Variants in GTF2IRD2B observed in about 807,000 individuals in gnomAD.
The protein encoded by GTF2IRD2B is general transcription factor II-I repeat domain-containing protein 2B.
In GTF2IRD2B, 10 loss-of-function variants were observed where a neutral mutation model predicts 55.6. The ratio of observed to expected loss-of-function variants is 0.18; its 90% CI spans 0.11 to 0.31. The LOEUF (loss-of-function observed/expected upper bound fraction) is 0.31. Ranked by LOEUF, GTF2IRD2B falls within the 10% of genes least tolerant of loss-of-function variation. GTF2IRD2B has a pLI of 1.00. For missense variants in GTF2IRD2B, 206 were observed against 802.7 expected (o/e 0.26, Z 8.98); for synonymous variants, 107 against 320.5 (o/e 0.33, Z 7.12).
In GTF2IRD2B at chr7:75,110,633, AAAAT is replaced by A. The variant is rs1248249475; in HGVS notation, c.99+1573_99+1576del. Among the ~76,000 whole-genome samples, 371 of 52,926 alleles carry A rather than the reference AAAAT, an allele frequency of 7.0e-3. 5 individuals are homozygous for A. The highest frequency in any genetic ancestry group is 0.058 in the Middle Eastern group (6 of 104). 34.7% of individuals were successfully genotyped at this position (52,926 alleles called of 152,430 possible). A position where few individuals can be genotyped will look rare whatever the true frequency, so the allele number is the denominator to read the frequency against. On this transcript the variant is annotated intron_variant, in intron 2 of 15. Coordinates refer to ENST00000472837, the MANE Select transcript of GTF2IRD2B (RefSeq NM_001003795.3). ...GACCCTGACTCTTAAAAAAAAAAAA[AAAAT>A]AAGTTGGAATTAATTTTAGAAGAAA... is the stretch of plus-strand genomic sequence containing the variant.
rs2115857498 is a variant in GTF2IRD2B, at chr7:75,143,919, G to GTCACAT, written c.1218-29_1218-24dup. 9.2e-6 allele frequency: 3 copies of GTCACAT among 325,676 alleles called. No individual in the cohort carries two copies. In the East Asian group the frequency reaches 1.2e-4, roughly 13 times the overall value. The allele number at this position is 325,676 out of a possible 1,614,324, so 20.2% of individuals were successfully genotyped here. On this transcript the variant is annotated intron_variant, in intron 14 of 15. Transcript: ENST00000472837. ...TGGGCAAAAGAGGAAATGTGAGCTT[G>GTCACAT]TCACATTTATCAATGTGTCTTTCTC...
intron 15 of GTF2IRD2B, among the ~76,000 whole-genome samples, chr7:75,146,017 A>AT (rs587651504): frequency 0.068 from 3,806 of 55,954 alleles, 93 homozygotes; most frequent in African/African-American, 0.14. Flanking sequence ...TGCCCAGATA[A>AT]TTTTTTTTTT....
chr7:75,132,888 A>G (rs1216027049), intron 8 of GTF2IRD2B, among the ~76,000 whole-genome samples: 3 of 146,874 alleles, frequency 2.0e-5, no homozygotes, highest in African/African-American at 8.1e-5. Context: ...TTGATTTTAC[A>G]ATTGATATTA....
intron 1 of GTF2IRD2B, among the ~76,000 whole-genome samples, chr7:75,103,697 C>T (rs1432703161): frequency 2.6e-5 from 4 of 151,210 alleles, no homozygotes; most frequent in African/African-American, 9.6e-5. Flanking sequence ...AGGGTGCCTT[C>T]CATCCTGCAA....
chr7:75,105,536 C>T (rs1279656576), intron 1 of GTF2IRD2B, among the ~76,000 whole-genome samples: 4 of 152,296 alleles, frequency 2.6e-5, no homozygotes, highest in Non-Finnish European at 5.9e-5. Context: ...CAAATCTTTC[C>T]CTATCCCTCC....
intron 1 of GTF2IRD2B, among the ~76,000 whole-genome samples, chr7:75,093,621 A>G (rs1457396180): frequency 4.6e-5 from 7 of 152,204 alleles, no homozygotes; most frequent in African/African-American, 1.7e-4. Context: ...GGATTTGCCT[A>G]TTCTGGACAT....
At chr7:75,106,127 G>A (rs1175885383) in intron 1 of GTF2IRD2B, among the ~76,000 whole-genome samples, 2 of 152,306 alleles carry the variant, frequency 1.3e-5, no homozygotes, top group Non-Finnish European at 2.9e-5. Flanking sequence ...TTTTGGTCGG[G>A]CTCAGTGGCT....
chr7:75,103,293 AAAAT>A (rs1225586578), intron 1 of GTF2IRD2B, among the ~76,000 whole-genome samples: 2 of 151,682 alleles, frequency 1.3e-5, no homozygotes, highest in South Asian at 4.1e-4. Flanking sequence ...AATACATATA[AAAAT>A]AAATAAATAA....
At position 75,114,054 on chromosome 7, in the gene GTF2IRD2B, T is replaced by TTA. The variant is rs1422971687; in HGVS notation, c.238+1531_238+1532dup. On this transcript the variant is annotated intron_variant, in intron 3 of 15. Transcript: ENST00000472837. ...GATGGATAGATAAGGGAGACAGGAA[T>TTA]TATATATATATATGTATATAGATAG... Among the ~76,000 whole-genome samples, 28 of 148,040 alleles carry TTA rather than the reference T, an allele frequency of 1.9e-4. 1 individual carries two copies. Among genetic ancestry groups the TTA allele is most frequent in the South Asian group, 1.3e-3 (6 of 4,676 alleles).
chr7:75,115,479 A>G (rs1808115853), intron 3 of GTF2IRD2B, among the ~76,000 whole-genome samples: 1 of 144,354 alleles, frequency 6.9e-6, no homozygotes, highest in African/African-American at 2.5e-5. Flanking sequence ...GCTGGAGTGC[A>G]GTGGAGAGAT....
chr7:75,105,000 C>T (rs1214669983), intron 1 of GTF2IRD2B, among the ~76,000 whole-genome samples: 1 of 152,290 alleles, frequency 6.6e-6, no homozygotes, highest in East Asian at 1.9e-4. Flanking sequence ...GAGTTGGAGA[C>T]CAGTCTGGGC....
intron 15 of GTF2IRD2B, among the ~76,000 whole-genome samples, chr7:75,147,402 C>A (rs1489234508): frequency 6.6e-6 from 1 of 151,950 alleles, no homozygotes; most frequent in Non-Finnish European, 1.5e-5. Flanking sequence ...CACTGCACTG[C>A]AGCCTGGGCG....
chr7:75,104,813 A>G (rs1554421376), intron 1 of GTF2IRD2B, among the ~76,000 whole-genome samples: 6 of 152,368 alleles, frequency 3.9e-5, no homozygotes, highest in East Asian at 3.8e-4. Context: ...CGCTTTTGCT[A>G]CTCTTCATCT....
In GTF2IRD2B at chr7:75,148,253, C is replaced by A; in HGVS notation, c.1806C>A (p.Ser602Arg). ...AGATCTTTTTGCGTGTTGAGAAGAGCCTGAAAAAGTTCTGTATCAACTGGT... is the reference window on the plus strand; with the variant it reads ...AGATCTTTTTGCGTGTTGAGAAGAGACTGAAAAAGTTCTGTATCAACTGGT... ...GNEIFLRVEKSLKKFCINWSR... is the reference protein window; with the variant it reads ...GNEIFLRVEKRLKKFCINWSR... The change falls in exon 16 of 16, where the codon AGC (serine) becomes AGA (arginine). Residue 602 changes from serine (S) to arginine (R), a missense_variant. Physicochemically the swap from Ser to Arg is moderately radical, Grantham distance 110 (BLOSUM62 -1). Coordinates refer to ENST00000472837, the MANE Select transcript of GTF2IRD2B (RefSeq NM_001003795.3). 6.2e-7 allele frequency: 1 copy of A among 1,613,696 alleles called. No homozygotes were observed. The highest frequency in any genetic ancestry group is 8.5e-7 in the Non-Finnish European group (1 of 1,179,840).
At position 75,126,901 on chromosome 7, in the gene GTF2IRD2B, G is replaced by T. The variant is rs1314910530; in HGVS notation, c.670+516G>T. The stretch of plus-strand genomic sequence containing the variant: ...AGTCCCAGCTACTTGGGAGGCTGAG[G>T]CATAAGAATTGCTTGAGCCCGGGAG... On this transcript the variant is annotated intron_variant, in intron 8 of 15. Coordinates refer to ENST00000472837, the MANE Select transcript of GTF2IRD2B (RefSeq NM_001003795.3). 2.0e-5 allele frequency among the ~76,000 whole-genome samples: 3 copies of T among 150,202 alleles called. No individual in the cohort carries two copies. The East Asian group carries it at 5.8e-4, about 29-fold the overall frequency.
chr7:75,105,760 G>C (rs1584525970), intron 1 of GTF2IRD2B, among the ~76,000 whole-genome samples: 1 of 152,306 alleles, frequency 6.6e-6, no homozygotes, highest in African/African-American at 2.4e-5. Context: ...AGACTGGCTA[G>C]GGTGTGCTGG....
intron 3 of GTF2IRD2B, among the ~76,000 whole-genome samples, chr7:75,114,102 G>C (rs1554451059): frequency 1.3e-5 from 2 of 150,708 alleles, no homozygotes; most frequent in African/African-American, 2.4e-5. Flanking sequence ...GATAGAGAGA[G>C]AGAGAGAGAG....
chr7:75,132,584 C>CT (rs1808701039), intron 8 of GTF2IRD2B, among the ~76,000 whole-genome samples: 1 of 89,326 alleles, frequency 1.1e-5, no homozygotes, highest in East Asian at 3.4e-4. Flanking sequence ...GAGATGGAGT[C>CT]TCGCTTTGTC....
At chr7:75,121,482 G>A (rs1180332209) in intron 4 of GTF2IRD2B, among the ~76,000 whole-genome samples, 5 of 149,642 alleles carry the variant, frequency 3.3e-5, no homozygotes, top group African/African-American at 1.2e-4. Flanking sequence ...TTTTCTGAGA[G>A]GAGTCTTGCT....
Sources: gnomAD v4.1 joint callset for allele counts (sites outside exome capture counted in the v4.1 genomes callset) on GRCh38, gnomAD v4.1.1 for gene constraint, MANE v1.5 for transcripts, NCBI Gene and HGNC (gene_info 2026-07-23, HGNC 2026-07-21) for gene names.